BFAR: variants seen among roughly 807,000 people sequenced by gnomAD.
BFAR encodes the protein RING finger protein 47.
BFAR carries 52 observed loss-of-function variants against 54.4 expected under a neutral mutation model. The ratio of observed to expected loss-of-function variants is 0.96; its 90% CI spans 0.77 to 1.21. The LOEUF is 1.21. Ranked by LOEUF, BFAR falls within the 50% of genes most tolerant of loss-of-function variation. BFAR has a pLI of 0.00. For synonymous variants in BFAR, 215 were observed against 204.3 expected (o/e 1.05, Z -0.45); for missense variants, 571 against 534.0 (o/e 1.07, Z -0.68).
At chr16:14,648,663 C>A in intron 3 of BFAR, 71 bp downstream of exon 3, 2 of 1,109,696 alleles carry the variant, frequency 1.8e-6, no homozygotes, top group South Asian at 1.4e-5. Context: ...CCACTGAAGT[C>A]AGTTCTGTTG....
chr16:14,662,171 C>A, intron 6 of BFAR, 106 bp downstream of exon 6: 2 of 1,304,392 alleles, frequency 1.5e-6, no homozygotes, highest in Non-Finnish European at 2.2e-6. Flanking sequence ...CCCATGAACT[C>A]CTTCAGAATG....
chr16:14,649,812 G>C lies in BFAR; in HGVS notation c.477G>C (p.Leu159=), dbSNP rs1959913828. 1 of 1,602,464 alleles carries C rather than the reference G, an allele frequency of 6.2e-7. No homozygotes were observed. The highest frequency in any genetic ancestry group is 1.7e-5 in the Admixed American group (1 of 58,718). ...LTALTGVAVV[L]LVYHWSSRES... ...CTGTCACTTTTCCCCAGGTGGTCCT[G>C]CTCGTCTATCACTGGAGCAGCAGGG... is the stretch of plus-strand genomic sequence containing the variant. Residue 159 remains leucine (L), a synonymous_variant, in exon 4 of 8, where the codon CTG becomes CTC. Transcript: ENST00000261658.
chr16:14,645,433 G>C (rs892515708), intron 2 of BFAR, among the ~76,000 whole-genome samples: 5 of 152,200 alleles, frequency 3.3e-5, no homozygotes, highest in African/African-American at 9.7e-5. Flanking sequence ...CATTAATAGA[G>C]TTTCTCATGT....
intron 5 of BFAR, among the ~76,000 whole-genome samples, chr16:14,655,986 G>A (rs1960118522): frequency 6.6e-6 from 1 of 152,092 alleles, no homozygotes; most frequent in Admixed American, 6.6e-5. Flanking sequence ...GAGGCGGGGG[G>A]ATGACCTGAG....
chr16:14,636,016 G>A (rs1010133346), intron 1 of BFAR, among the ~76,000 whole-genome samples: 1 of 152,060 alleles, frequency 6.6e-6, no homozygotes, highest in Admixed American at 6.6e-5. Context: ...ATTTGAGCAC[G>A]TTTTAATTTT....
In BFAR at chr16:14,644,281, ATGT is replaced by A. The variant is rs1959717824; in HGVS notation, c.-64_-62del. 4 of 1,459,000 alleles carry A rather than the reference ATGT, an allele frequency of 2.7e-6. No individual in the cohort carries two copies. The Admixed American group carries it at 8.0e-5, about 29-fold the overall frequency. The allele number at this position is 1,459,000 out of a possible 1,614,324, so 90.4% of individuals were successfully genotyped here. On this transcript the variant is annotated 5_prime_UTR_variant, in exon 2 of 8. It removes an upstream start codon present in the reference 5' UTR. Coordinates refer to ENST00000261658, the MANE Select transcript of BFAR (RefSeq NM_016561.3). The stretch of plus-strand genomic sequence containing the variant: ...TCTGTTTTTTTTTTCTAGATTAATG[ATGT>A]TTTGCAGCAGTTTTCTACGTCTGAA...
At chr16:14,633,744 C>T (rs1338661996) in intron 1 of BFAR, among the ~76,000 whole-genome samples, 2 of 152,230 alleles carry the variant, frequency 1.3e-5, no homozygotes, top group Non-Finnish European at 2.9e-5. Context: ...CCTCCGCCTC[C>T]CAGGTTCAAG....
chr16:14,644,841 G>C (rs1959743291), intron 2 of BFAR, among the ~76,000 whole-genome samples: 1 of 152,072 alleles, frequency 6.6e-6, no homozygotes, highest in African/African-American at 2.4e-5. Flanking sequence ...AGCAGTGTTT[G>C]AAAGGTCGCA....
rs924374690 is a variant in BFAR at position 14,637,636 on chromosome 16, G to C, written c.-74+4618G>C. ...AGATCACCTGAGGTCAGGAGTTTGA[G>C]ACCAGCCTGGCCAACATGGTGAAAC... On this transcript the variant is annotated intron_variant, in intron 1 of 7. Coordinates refer to ENST00000261658, the MANE Select transcript of BFAR (RefSeq NM_016561.3). Among the ~76,000 whole-genome samples the C allele has an allele frequency of 2.0e-5, 3 of 152,106 alleles. No individual in the cohort carries two copies. The South Asian group carries it at 6.2e-4, about 31-fold the overall frequency.
At chr16:14,639,539 C>T (rs1360181548) in intron 1 of BFAR, among the ~76,000 whole-genome samples, 1 of 152,142 alleles carries the variant, frequency 6.6e-6, no homozygotes, top group Non-Finnish European at 1.5e-5. Flanking sequence ...AATTCCTAAC[C>T]TCAGGTGATC....
At chr16:14,649,070 C>CTTTTTT (rs544187036) in intron 3 of BFAR, among the ~76,000 whole-genome samples, 12 of 104,484 alleles carry the variant, frequency 1.1e-4, no homozygotes, top group Admixed American at 2.1e-4. Flanking sequence ...ATCTCTTGCT[C>CTTTTTT]TTTTTTTTTT....
intron 5 of BFAR, among the ~76,000 whole-genome samples, chr16:14,659,234 G>GTTTT (rs1468503605): frequency 1.4e-5 from 2 of 142,774 alleles, no homozygotes; most frequent in African/African-American, 5.3e-5. Flanking sequence ...GGTTTTTTTT[G>GTTTT]TTTTTTTTTG....
At chr16:14,667,427 GGGCAAAGAAGCTCCCTGTAGGT>G (rs1960471655) in intron 7 of BFAR, 186 bp from the exon 8 acceptor site, 2 of 532,998 alleles carry the variant, frequency 3.8e-6, no homozygotes, top group Non-Finnish European at 6.6e-6. Context: ...CCCAGTGTGG[GGGCAAAGAAGCTCCCTGTAGGT>G]CATGTCCTTG....
intron 1 of BFAR, among the ~76,000 whole-genome samples, chr16:14,641,482 C>T (rs1000927008): frequency 1.3e-5 from 2 of 150,472 alleles, no homozygotes; most frequent in East Asian, 3.9e-4. Flanking sequence ...ACCCAGGAGG[C>T]GGAGCTTGCA....
intron 1 of BFAR, among the ~76,000 whole-genome samples, chr16:14,643,214 A>G (rs1307726082): frequency 2.0e-5 from 3 of 152,162 alleles, no homozygotes; most frequent in Admixed American, 1.3e-4. Context: ...TTGGGAGGCC[A>G]AGGCAGAATT....
intron 1 of BFAR, chr16:14,633,602 C>T (rs1320102772): frequency 6.6e-6 from 1 of 152,264 alleles, no homozygotes; most frequent in African/African-American, 2.4e-5. Context: ...GAACTCGGCT[C>T]TTCTGATTCT....
At chr16:14,655,249 A>G in intron 5 of BFAR, 39 bp downstream of exon 5, 2 of 1,187,828 alleles carry the variant, frequency 1.7e-6, no homozygotes, top group Non-Finnish European at 2.2e-6. Flanking sequence ...TTTACTTTTT[A>G]TTTTTATTTT....
chr16:14,649,988 CTT>C lies in BFAR; in HGVS notation c.638+16_638+17del. 6 of 1,596,206 alleles carry C rather than the reference CTT, an allele frequency of 3.8e-6. No homozygotes were observed. Among genetic ancestry groups the C allele is most frequent in the Non-Finnish European group, 5.1e-6 (6 of 1,168,484 alleles). On this transcript the variant is annotated intron_variant, in intron 4 of 7. Coordinates refer to ENST00000261658, the MANE Select transcript of BFAR (RefSeq NM_016561.3). ...GTAAATGGAAGGTGAGGAGCAAAGT[CTT>C]CTGACACACCGTGGACATTTTAGAA...
chr16:14,658,022 A>G (rs920923538), intron 5 of BFAR, among the ~76,000 whole-genome samples: 1 of 152,290 alleles, frequency 6.6e-6, no homozygotes, highest in African/African-American at 2.4e-5. Context: ...AAGCAGCTAC[A>G]TTGCCTGGGG....
Sources: gnomAD v4.1 joint callset for allele counts (sites outside exome capture counted in the v4.1 genomes callset) on GRCh38, gnomAD v4.1.1 for gene constraint, MANE v1.5 for transcripts, NCBI Gene and HGNC (gene_info 2026-07-23, HGNC 2026-07-21) for gene names.